Variants in TMEM244 observed in about 807,000 individuals in gnomAD.
TMEM244 encodes transmembrane protein 244.
In TMEM244, 13 loss-of-function variants were observed where a neutral mutation model predicts 15.8. That is an observed-to-expected ratio of 0.82 (90% confidence interval 0.53 to 1.30). TMEM244 has a LOEUF of 1.30. Among genes scored for constraint, TMEM244 ranks in the 50% most tolerant of loss-of-function variants. TMEM244 has a pLI of 0.00. For missense variants in TMEM244, 161 were observed against 144.9 expected (o/e 1.11, Z -0.57); for synonymous variants, 45 against 48.7 (o/e 0.92, Z 0.32).
intron 1 of TMEM244, among the ~76,000 whole-genome samples, chr6:129,850,689 T>G (rs935500075): frequency 6.6e-6 from 1 of 152,192 alleles, no homozygotes; most frequent in Non-Finnish European, 1.5e-5. Context: ...AAATTAATTC[T>G]AATATTTATT....
At chr6:129,831,763 A>G (rs1776331513) in intron 4 of TMEM244, among the ~76,000 whole-genome samples, 1 of 152,200 alleles carries the variant, frequency 6.6e-6, no homozygotes, top group Non-Finnish European at 1.5e-5. Flanking sequence ...TAAGTGCCAC[A>G]TGTTAGATCA....
At chr6:129,835,394 C>T (rs1345127435) in intron 3 of TMEM244, among the ~76,000 whole-genome samples, 1 of 138,918 alleles carries the variant, frequency 7.2e-6, no homozygotes, top group African/African-American at 2.8e-5. Context: ...CAGAGTGAAT[C>T]TCTGTCTCTT....
chr6:129,852,869 C>T (rs929634380), intron 1 of TMEM244, among the ~76,000 whole-genome samples: 2 of 152,150 alleles, frequency 1.3e-5, no homozygotes, highest in African/African-American at 4.8e-5. Flanking sequence ...CAGCCTCTCC[C>T]CCAGCCACCT....
intron 3 of TMEM244, among the ~76,000 whole-genome samples, chr6:129,841,041 A>G (rs1437295280): frequency 6.6e-6 from 1 of 152,198 alleles, no homozygotes; most frequent in African/African-American, 2.4e-5. Flanking sequence ...CTAGAACTAG[A>G]AATACCATTT....
chr6:129,841,513 T>C (rs1343846136), intron 3 of TMEM244, among the ~76,000 whole-genome samples: 1 of 152,078 alleles, frequency 6.6e-6, no homozygotes, highest in Non-Finnish European at 1.5e-5. Flanking sequence ...GGCACAGGTA[T>C]ACCTATTTAA....
intron 1 of TMEM244, among the ~76,000 whole-genome samples, chr6:129,851,942 C>A (rs889470455): frequency 6.6e-6 from 1 of 152,036 alleles, no homozygotes; most frequent in Non-Finnish European, 1.5e-5. Context: ...TTAAACTTGA[C>A]TGGATATTTA....
In TMEM244 at chr6:129,854,637, C is replaced by G. The variant is rs114256292; in HGVS notation, c.33+6519G>C. ...AGGCCCAGAGAAATTAAGTGATTTT[C>G]ACAAAGCTAGTCACTGAAAGAGGTA... is the stretch of plus-strand genomic sequence containing the variant. On this transcript the variant is annotated intron_variant, in intron 1 of 4. Coordinates refer to ENST00000368143, the MANE Select transcript of TMEM244 (RefSeq NM_001010876.2). 1.3e-3 allele frequency among the ~76,000 whole-genome samples: 202 copies of G among 152,238 alleles called. 1 individual carries two copies. Among genetic ancestry groups the G allele is most frequent in the African/African-American group, 4.3e-3 (180 of 41,562 alleles).
At chr6:129,839,738 A>G (rs1776461913) in intron 3 of TMEM244, among the ~76,000 whole-genome samples, 1 of 152,246 alleles carries the variant, frequency 6.6e-6, no homozygotes, top group South Asian at 2.1e-4. Context: ...AAGTCTCAGG[A>G]TACAAAATCA....
intron 2 of TMEM244, among the ~76,000 whole-genome samples, chr6:129,844,609 A>G (rs1776537782): frequency 6.6e-6 from 1 of 152,176 alleles, no homozygotes; most frequent in South Asian, 2.1e-4. Context: ...CTGAAGCTTT[A>G]AGGTCTAATT....
intron 1 of TMEM244, among the ~76,000 whole-genome samples, chr6:129,853,429 T>C (rs1350878588): frequency 6.6e-6 from 1 of 152,120 alleles, no homozygotes; most frequent in East Asian, 1.9e-4. Flanking sequence ...CACATATCAT[T>C]ATAAATGCAA....
chr6:129,859,094 G>T (rs562226875), intron 1 of TMEM244, among the ~76,000 whole-genome samples: 1 of 152,104 alleles, frequency 6.6e-6, no homozygotes, highest in South Asian at 2.1e-4. Flanking sequence ...ACGCCTGGCC[G>T]GAACCATAGT....
At position 129,841,415 on chromosome 6, in the gene TMEM244, C is replaced by T. The variant is rs191659590; in HGVS notation, c.193+2115G>A. The stretch of plus-strand genomic sequence containing the variant: ...GGCGAGGAACATCACACACTGGGTC[C>T]GGTCGGGGGGTGGGGGGCTGGGGGT... On this transcript the variant is annotated intron_variant, in intron 3 of 4. Transcript: ENST00000368143. 5.2e-3 allele frequency among the ~76,000 whole-genome samples: 177 copies of T among 34,332 alleles called. 2 individuals are homozygous for T. The highest frequency in any genetic ancestry group is 0.021 in the African/African-American group (163 of 7,866). The allele number at this position is 34,332 out of a possible 152,430, so 22.5% of individuals were successfully genotyped here.
chr6:129,851,020 T>C (rs574707486), intron 1 of TMEM244, among the ~76,000 whole-genome samples: 2 of 152,308 alleles, frequency 1.3e-5, no homozygotes, highest in South Asian at 2.1e-4. Flanking sequence ...TATTTTCTCA[T>C]TGTATTCACC....
At chr6:129,834,770 T>A (rs1311181207) in intron 3 of TMEM244, among the ~76,000 whole-genome samples, 12 of 152,334 alleles carry the variant, frequency 7.9e-5, no homozygotes, top group South Asian at 2.1e-4. Context: ...CCCTGCCACC[T>A]AATATCCAGG....
At chr6:129,857,478 C>T (rs1394632927) in intron 1 of TMEM244, among the ~76,000 whole-genome samples, 4 of 152,070 alleles carry the variant, frequency 2.6e-5, no homozygotes, top group Non-Finnish European at 5.9e-5. Flanking sequence ...GCCTCAGCCT[C>T]CCAAGTAGCT....
intron 1 of TMEM244, among the ~76,000 whole-genome samples, chr6:129,848,546 A>G (rs893659886): frequency 6.6e-6 from 1 of 152,154 alleles, no homozygotes; most frequent in African/African-American, 2.4e-5. Context: ...CAATCTGGAA[A>G]TAGCTAAAAG....
chr6:129,833,299 A>T (rs765604655), intron 4 of TMEM244, among the ~76,000 whole-genome samples, 161 bp downstream of exon 4: 11 of 152,178 alleles, frequency 7.2e-5, no homozygotes, highest in Non-Finnish European at 1.6e-4. Flanking sequence ...GGTACAAAAA[A>T]ATTTGGCTGG....
chr6:129,838,336 C>G (rs12198367), intron 3 of TMEM244, among the ~76,000 whole-genome samples: 54,732 of 152,036 alleles, frequency 0.36, 11,057 homozygotes, highest in Non-Finnish European at 0.48. Flanking sequence ...TGAATGACTA[C>G]TGGGTACATA....
chr6:129,855,387 C>G (rs562458716), intron 1 of TMEM244, among the ~76,000 whole-genome samples: 1 of 151,116 alleles, frequency 6.6e-6, no homozygotes, highest in South Asian at 2.1e-4. Flanking sequence ...CATTATAACA[C>G]TTTTATTTCT....
Sources: allele counts gnomAD v4.1 joint callset (sites outside exome capture counted in the v4.1 genomes callset), GRCh38; gene constraint gnomAD v4.1.1; transcripts MANE v1.5; gene names NCBI Gene and HGNC (gene_info 2026-07-23, HGNC 2026-07-21).